Variants in C8A observed in about 807,000 individuals in gnomAD.
C8A encodes complement C8 alpha chain, also known as complement component C8 alpha chain.
In C8A, 67 loss-of-function variants were observed where a neutral mutation model predicts 65.3. The ratio of observed to expected loss-of-function variants is 1.03; its 90% CI spans 0.84 to 1.26. C8A has a LOEUF of 1.26. Among genes scored for constraint, C8A ranks in the 50% most tolerant of loss-of-function variants. C8A has a pLI of 0.00. For missense variants in C8A, 781 were observed against 723.9 expected (o/e 1.08, Z -0.90); for synonymous variants, 290 against 259.4 (o/e 1.12, Z -1.13).
chr1:56,896,263 CATG>C (rs1644386508), intron 7 of C8A, among the ~76,000 whole-genome samples: 1 of 152,142 alleles, frequency 6.6e-6, no homozygotes, highest in South Asian at 2.1e-4. Context: ...TGAATTGGTT[CATG>C]TGATATGGAG....
intron 2 of C8A, among the ~76,000 whole-genome samples, chr1:56,871,874 G>A (rs761984205): frequency 5.9e-5 from 9 of 152,040 alleles, no homozygotes; most frequent in Non-Finnish European, 1.0e-4. Context: ...GTCTGATTTC[G>A]AATAACATTA....
At chr1:56,893,477 C>T (rs1415389578) in intron 7 of C8A, among the ~76,000 whole-genome samples, 3 of 152,130 alleles carry the variant, frequency 2.0e-5, no homozygotes, top group African/African-American at 7.2e-5. Context: ...CTTAATTTCT[C>T]TGATCCTCAG....
Position 56,912,585 on chromosome 1 carries a change from G to C in C8A, c.1563G>C (p.Leu521=). Residue 521 remains leucine (L), a synonymous_variant, in exon 10 of 11, where the codon CTG becomes CTC. Coordinates refer to ENST00000361249, the MANE Select transcript of C8A (RefSeq NM_000562.3). ...EGTSCRCQCR[L]GSLGAACEQT... ...CCAGCTGCAGGTGCCAGTGCCGCCT[G>C]GGTAGCTTGGGTGCTGCCTGTGAGC... 1 of 1,614,204 alleles carries C rather than the reference G, an allele frequency of 6.2e-7. No homozygotes were observed. Among genetic ancestry groups the C allele is most frequent in the African/African-American group, 1.3e-5 (1 of 75,058 alleles).
At chr1:56,912,706 G>C in intron 10 of C8A, 81 bp downstream of exon 10, 1 of 1,309,044 alleles carries the variant, frequency 7.6e-7, no homozygotes, top group Non-Finnish European at 1.1e-6. Context: ...TGGGGTTCCC[G>C]GCCCCTCCTT....
Position 56,912,507 on chromosome 1 carries a change from T to C in C8A, c.1485T>C (p.Asn495=), listed in dbSNP as rs772350687. ...RALDQYLMEF[N]ACRCGPCFNN... ...TGGACCAGTATCTGATGGAATTCAA[T>C]GCCTGCCGATGTGGGCCTTGCTTCA... is the stretch of plus-strand genomic sequence containing the variant. Residue 495 remains asparagine, a synonymous_variant, in exon 10 of 11, where the codon AAT becomes AAC. Transcript: ENST00000361249. The C allele has an allele frequency of 2.7e-5, 43 of 1,614,104 alleles. No homozygotes were observed. The highest frequency in any genetic ancestry group is 2.5e-4 in the Admixed American group (15 of 60,012).
chr1:56,914,760 GT>G (rs1191799341), intron 10 of C8A, among the ~76,000 whole-genome samples: 1 of 152,104 alleles, frequency 6.6e-6, no homozygotes, highest in Non-Finnish European at 1.5e-5. Flanking sequence ...CTCCTCCCGG[GT>G]TCAAGCGATT....
At chr1:56,881,764 T>A (rs1644250484) in intron 5 of C8A, 130 bp downstream of exon 5, 1 of 835,796 alleles carries the variant, frequency 1.2e-6, no homozygotes, top group East Asian at 2.6e-5. Flanking sequence ...TGAAGTCTCC[T>A]TCATACCCAT....
intron 8 of C8A, among the ~76,000 whole-genome samples, chr1:56,907,316 C>T (rs607422): frequency 0.5 from 76,084 of 151,952 alleles, 19,334 homozygotes; most frequent in South Asian, 0.68. Context: ...ACAGAGGATA[C>T]AGGGATGATG....
intron 2 of C8A, among the ~76,000 whole-genome samples, chr1:56,873,442 A>G (rs1392569450): frequency 1.3e-5 from 2 of 152,154 alleles, no homozygotes; most frequent in Non-Finnish European, 2.9e-5. Context: ...TTGGTAAGAA[A>G]ATCTGGGCCC....
chr1:56,907,850 A>G (rs1197141664), intron 8 of C8A, 106 bp from the exon 9 acceptor site: 3 of 1,334,078 alleles, frequency 2.2e-6, no homozygotes, highest in Non-Finnish European at 3.2e-6. Flanking sequence ...GTAAACATCT[A>G]AGGAAAACAT....
chr1:56,875,997 G>A, intron 3 of C8A, 65 bp from the exon 4 acceptor site: 1 of 1,579,174 alleles, frequency 6.3e-7, no homozygotes, highest in South Asian at 1.1e-5. Flanking sequence ...AGGACTTACT[G>A]ATTGTGGGTG....
chr1:56,858,967 G>T (rs1644003883), intron 1 of C8A, among the ~76,000 whole-genome samples: 1 of 152,162 alleles, frequency 6.6e-6, no homozygotes, highest in African/African-American at 2.4e-5. Context: ...TAGAGTTCTT[G>T]TCAGGACTTT....
intron 3 of C8A, among the ~76,000 whole-genome samples, 173 bp downstream of exon 3, chr1:56,875,266 A>G (rs1644187631): frequency 6.6e-6 from 1 of 152,192 alleles, no homozygotes; most frequent in Admixed American, 6.5e-5. Flanking sequence ...CCAGCAGCCC[A>G]AGTAATTTTG....
chr1:56,883,445 G>A lies in C8A; in HGVS notation c.655-36G>A, dbSNP rs200829432. The A allele has an allele frequency of 3.0e-5, 47 of 1,550,022 alleles. No homozygotes were observed. The Admixed American group carries it at 5.4e-4, about 18-fold the overall frequency. ...AATATGAATTGAGAAATGGCTCTATGTGCACAAAGCTAATATCTATCCTTT... is the reference window on the plus strand; with the variant it reads ...AATATGAATTGAGAAATGGCTCTATATGCACAAAGCTAATATCTATCCTTT... On this transcript the variant is annotated intron_variant, in intron 5 of 10. Coordinates refer to ENST00000361249, the MANE Select transcript of C8A (RefSeq NM_000562.3).
Position 56,883,492 on chromosome 1 carries a change from T to A in C8A, c.666T>A (p.Asp222Glu). Residue 222 changes from aspartate to glutamate, a missense_variant, in exon 6 of 11, where the codon GAT (aspartate) becomes GAA (glutamate). Coordinates refer to ENST00000361249, the MANE Select transcript of C8A (RefSeq NM_000562.3). ...CTTTTTTTTTTCAGGCCCTGGCAGATACTGGAATCTCCTCAGAGTTTTATG... is the reference window on the plus strand; with the variant it reads ...CTTTTTTTTTTCAGGCCCTGGCAGAAACTGGAATCTCCTCAGAGTTTTATG... ...FLKYHFEALA[D>E]TGISSEFYDN... 6.2e-7 allele frequency: 1 copy of A among 1,613,384 alleles called. No homozygotes were observed. Among genetic ancestry groups the A allele is most frequent in the East Asian group, 2.2e-5 (1 of 44,862 alleles).
chr1:56,911,461 G>A (rs1464598722), intron 9 of C8A, among the ~76,000 whole-genome samples: 2 of 152,120 alleles, frequency 1.3e-5, no homozygotes, highest in Non-Finnish European at 2.9e-5. Context: ...CAGGTTTTCC[G>A]GCTCCAGATT....
intron 1 of C8A, among the ~76,000 whole-genome samples, chr1:56,866,094 G>A (rs535386905): frequency 6.6e-6 from 1 of 152,262 alleles, no homozygotes; most frequent in African/African-American, 2.4e-5. Flanking sequence ...AACATCCACA[G>A]TTATTGGAAA....
At chr1:56,900,837 G>A (rs1221794671) in intron 7 of C8A, among the ~76,000 whole-genome samples, 1 of 152,136 alleles carries the variant, frequency 6.6e-6, no homozygotes, top group African/African-American at 2.4e-5. Context: ...TGACTTAGAA[G>A]CTTGTAGTCT....
At chr1:56,895,195 ATTC>A (rs1255974393) in intron 7 of C8A, among the ~76,000 whole-genome samples, 1 of 152,158 alleles carries the variant, frequency 6.6e-6, no homozygotes, top group Non-Finnish European at 1.5e-5. Flanking sequence ...ACATTCTGTC[ATTC>A]ATTCTGATAC....
Sources: gnomAD v4.1 joint callset for allele counts (sites outside exome capture counted in the v4.1 genomes callset) on GRCh38, gnomAD v4.1.1 for gene constraint, MANE v1.5 for transcripts, NCBI Gene and HGNC (gene_info 2026-07-23, HGNC 2026-07-21) for gene names.